The following SLC19A1 variants were observed in gnomAD, a reference collection of about 807,000 sequenced individuals.
SLC19A1 encodes the protein solute carrier family 19 member 1.
A neutral mutation model predicts 35.3 loss-of-function variants in SLC19A1; 37 were observed. The ratio of observed to expected loss-of-function variants is 1.05; its 90% CI spans 0.81 to 1.38. The LOEUF (loss-of-function observed/expected upper bound fraction) is 1.38. SLC19A1 is among the 40% of genes most tolerant of loss of function. SLC19A1 has a pLI of 0.00. For synonymous variants in SLC19A1, 460 were observed against 398.5 expected, an observed-to-expected ratio of 1.15 and a Z score of -1.84; for missense variants, 831 against 826.9, an observed-to-expected ratio of 1.00 and a Z score of -0.06.
chr21:45,504,622 G>T, intron 3 of SLC19A1: 2 of 1,442,086 alleles, frequency 1.4e-6, no homozygotes, highest in Non-Finnish European at 1.9e-6. Flanking sequence ...CCGAGGGCAG[G>T]TCCAGCCCGG....
chr21:45,509,714 G>C (rs537705771), downstream of SLC19A1: 402 of 755,938 alleles, frequency 5.3e-4, no homozygotes, highest in African/African-American at 6.4e-3. Context: ...GGCCATGGGT[G>C]GGGGTCTGGC....
At chr21:45,519,593 A>AAAAC (rs2077379013) in intron 5 of SLC19A1, among the ~76,000 whole-genome samples, 1 of 149,610 alleles carries the variant, frequency 6.7e-6, no homozygotes, top group Admixed American at 6.7e-5. Flanking sequence ...AAAAAAAAAA[A>AAAAC]AGACCAGGGA....
At chr21:45,512,049 C>T (rs1262788461), downstream of SLC19A1, 5 of 904,480 alleles carry the variant, frequency 5.5e-6, no homozygotes, top group East Asian at 2.6e-5. Flanking sequence ...CCATGTGGCC[C>T]TCCAGGTTGT....
At chr21:45,555,667 G>A (rs541928673) in intron 1 of SLC19A1, among the ~76,000 whole-genome samples, 1 of 151,952 alleles carries the variant, frequency 6.6e-6, no homozygotes, top group Non-Finnish European at 1.5e-5. Context: ...CGGCCCGCGT[G>A]GGGAGTGCCT....
intron 1 of SLC19A1, among the ~76,000 whole-genome samples, chr21:45,555,498 C>T (rs1288338348): frequency 1.8e-5 from 2 of 111,416 alleles, no homozygotes; most frequent in East Asian, 5.9e-4. Context: ...GGTGGCCATG[C>T]AGGCGACGCG....
chr21:45,510,369 TAC>T (rs2037506271), downstream of SLC19A1: 2 of 1,262,104 alleles, frequency 1.6e-6, no homozygotes, highest in South Asian at 1.3e-5. Flanking sequence ...GCCACCATGT[TAC>T]AGACACTGGC....
chr21:45,555,159 G>C (rs575874196), intron 1 of SLC19A1, among the ~76,000 whole-genome samples: 23,953 of 42,010 alleles, frequency 0.57, 6,938 homozygotes, highest in African/African-American at 0.68. Flanking sequence ...GCAGGGGGCG[G>C]CGGGGGCGGC....
chr21:45,521,841 C>T (rs1274767758), intron 5 of SLC19A1, among the ~76,000 whole-genome samples: 1 of 152,156 alleles, frequency 6.6e-6, no homozygotes, highest in Non-Finnish European at 1.5e-5. Context: ...ACCTAAACTT[C>T]ACATCTTATA....
At position 45,505,333 on chromosome 21, in the gene SLC19A1, T is replaced by G. The variant is rs76770345; in HGVS notation, c.498-6721A>C. ...GAGGCCGCCTCGTGTGGCTTCGTGT[T>G]CCCACCTTGGTTTCTCTCCTGCAGC... On this transcript the variant is annotated intron_variant, in intron 3 of 4. Transcript: ENST00000417954. 2.7e-4 allele frequency: 424 copies of G among 1,595,686 alleles called. 3 individuals carry two copies. The East Asian group carries it at 9.5e-3, about 36-fold the overall frequency.
At chr21:45,546,850 T>G (rs1322034787), upstream of SLC19A1, among the ~76,000 whole-genome samples, 1 of 152,090 alleles carries the variant, frequency 6.6e-6, no homozygotes, top group African/African-American at 2.4e-5. Context: ...TGCATCAAGC[T>G]CCGCCACAAT....
chr21:45,557,177 C>T (rs574518034), intron 1 of SLC19A1, among the ~76,000 whole-genome samples: 14 of 152,342 alleles, frequency 9.2e-5, no homozygotes, highest in African/African-American at 3.4e-4. Flanking sequence ...GAGCTGGAGG[C>T]TGGGCCCTGG....
chr21:45,539,415 C>T (rs953339159), intron 1 of SLC19A1, among the ~76,000 whole-genome samples: 7 of 152,256 alleles, frequency 4.6e-5, no homozygotes, highest in Non-Finnish European at 8.8e-5. Flanking sequence ...AATTGTGCCT[C>T]GCCACAGGGC....
At chr21:45,537,155 G>A (rs948026833) in intron 2 of SLC19A1, among the ~76,000 whole-genome samples, 2 of 152,212 alleles carry the variant, frequency 1.3e-5, no homozygotes, top group African/African-American at 2.4e-5. Flanking sequence ...GGGCCGATGA[G>A]CACGGCCTGG....
chr21:45,539,627 G>A (rs1294853213), intron 1 of SLC19A1, among the ~76,000 whole-genome samples: 7 of 152,300 alleles, frequency 4.6e-5, no homozygotes, highest in East Asian at 3.9e-4. Flanking sequence ...TCCCTGAACC[G>A]CCCCCAACCT....
intron 1 of SLC19A1, among the ~76,000 whole-genome samples, chr21:45,555,655 G>A (rs1239992666): frequency 1.3e-5 from 2 of 151,836 alleles, no homozygotes; most frequent in African/African-American, 4.8e-5. Context: ...GGCGGGGCGG[G>A]GCGGCCCGCG....
At chr21:45,508,071 A>G, downstream of SLC19A1, among the ~76,000 whole-genome samples, 1 of 136,614 alleles carries the variant, frequency 7.3e-6, no homozygotes, top group Admixed American at 7.1e-5. Context: ...ATGGATGAGT[A>G]GATGGTGGAC....
At chr21:45,544,574 T>C (rs2146475797), upstream of SLC19A1, among the ~76,000 whole-genome samples, 1 of 152,224 alleles carries the variant, frequency 6.6e-6, no homozygotes, top group African/African-American at 2.4e-5. Context: ...CATTATCGGT[T>C]TGTCAAATAG....
At chr21:45,503,560 C>G (rs927559115) in intron 3 of SLC19A1, among the ~76,000 whole-genome samples, 3 of 147,016 alleles carry the variant, frequency 2.0e-5, no homozygotes, top group Non-Finnish European at 4.4e-5. Context: ...ACCGCATATT[C>G]TCACTCATAG....
chr21:45,560,264 G>A (rs2078602571), intron 1 of SLC19A1, among the ~76,000 whole-genome samples: 1 of 152,240 alleles, frequency 6.6e-6, no homozygotes, highest in South Asian at 2.1e-4. Context: ...ACAGGGACGT[G>A]CCCACGGCTC....
Sources: gnomAD v4.1 joint callset for allele counts (sites outside exome capture counted in the v4.1 genomes callset) on GRCh38, gnomAD v4.1.1 for gene constraint, MANE v1.5 for transcripts, NCBI Gene and HGNC (gene_info 2026-07-23, HGNC 2026-07-21) for gene names.